Variants in SNTG2 observed in about 807,000 individuals in gnomAD.
The protein encoded by SNTG2 is gamma-2-syntrophin.
SNTG2 carries 74 observed loss-of-function variants against 70.9 expected under a neutral mutation model. That is an observed-to-expected ratio of 1.04 (90% CI 0.86 to 1.27). The LOEUF (loss-of-function observed/expected upper bound fraction) is 1.27, where lower values mean the gene tolerates loss of function less well. Ranked by LOEUF, SNTG2 falls within the 50% of genes most tolerant of loss-of-function variation. The probability of loss-of-function intolerance (pLI) is 0.00; values close to 1 mark genes in which losing one functional copy is unlikely to be tolerated. For synonymous variants in SNTG2, 278 were observed against 273.8 expected, an observed-to-expected ratio of 1.02 and a Z score of -0.15; for missense variants, 717 against 690.7, an observed-to-expected ratio of 1.04 and a Z score of -0.43.
chr2:1,112,024 G>T (rs112703401), intron 4 of SNTG2, among the ~76,000 whole-genome samples: 2 of 141,230 alleles, frequency 1.4e-5, no homozygotes, highest in Non-Finnish European at 3.1e-5. Context: ...CTTTGAGAAG[G>T]ATCGTGTGTA....
At chr2:1,245,768 A>G (rs1444393137) in intron 11 of SNTG2, among the ~76,000 whole-genome samples, 2 of 152,378 alleles carry the variant, frequency 1.3e-5, no homozygotes, top group East Asian at 3.9e-4. Flanking sequence ...AAATTCAGAC[A>G]CTGGAGGAGT....
intron 14 of SNTG2, among the ~76,000 whole-genome samples, chr2:1,301,276 T>C (rs919799422): frequency 6.6e-6 from 1 of 152,146 alleles, no homozygotes; most frequent in Non-Finnish European, 1.5e-5. Flanking sequence ...ACTGTGGTTG[T>C]CACTGCTTAC....
At position 1,353,301 on chromosome 2, in the gene SNTG2, G is replaced by A. The variant is rs190000875; in HGVS notation, c.1489-14042G>A. 1.2e-3 allele frequency among the ~76,000 whole-genome samples: 182 copies of A among 152,238 alleles called. No homozygotes were observed. The highest frequency in any genetic ancestry group is 3.4e-3 in the Middle Eastern group (1 of 294). The stretch of plus-strand genomic sequence containing the variant: ...CTCCAGGGTGTGTTCATATGTGAGG[G>A]CTACAGCCTCATCGTATAAACATAA... On this transcript the variant is annotated intron_variant, in intron 16 of 16. Coordinates refer to ENST00000308624, the MANE Select transcript of SNTG2 (RefSeq NM_018968.4). The surrounding 1 kb of genome is among the most constrained non-coding windows in gnomAD (Gnocchi z 4.2).
rs28438944 is a variant in SNTG2 at position 1,232,088 on chromosome 2, G to C, written c.720-5800G>C. Among the ~76,000 whole-genome samples the C allele has an allele frequency of 9.3e-3, 1,419 of 152,190 alleles. 18 individuals carry two copies. The highest frequency in any genetic ancestry group is 0.032 in the African/African-American group (1,311 of 41,532). On this transcript the variant is annotated intron_variant, in intron 9 of 16. Transcript: ENST00000308624. The stretch of plus-strand genomic sequence containing the variant: ...CCTCAGCATGGCCTGCACGGATGGG[G>C]CCTCCTGCCTCTCCTGCTTCTGCAG...
At chr2:1,230,243 G>C (rs951713211) in intron 9 of SNTG2, among the ~76,000 whole-genome samples, 1 of 152,216 alleles carries the variant, frequency 6.6e-6, no homozygotes, top group African/African-American at 2.4e-5. Context: ...AGCAAACTTA[G>C]GCATGCTGTT....
chr2:955,228 G>A (rs1030205439), intron 1 of SNTG2, among the ~76,000 whole-genome samples: 20 of 152,146 alleles, frequency 1.3e-4, no homozygotes, highest in Non-Finnish European at 2.5e-4. Flanking sequence ...GCAATAATCC[G>A]CATTAGTGTT....
At chr2:1,213,024 C>T (rs962791828) in intron 9 of SNTG2, among the ~76,000 whole-genome samples, 1 of 152,148 alleles carries the variant, frequency 6.6e-6, no homozygotes, top group Non-Finnish European at 1.5e-5. Context: ...TGTGGGTGTC[C>T]CCTCTGACTC....
chr2:1,316,115 G>C (rs2148263285), intron 15 of SNTG2, 150 bp from the exon 16 acceptor site: 2 of 575,386 alleles, frequency 3.5e-6, no homozygotes, highest in East Asian at 5.9e-5. Context: ...TGAGAAAGTA[G>C]AGACAGACAA....
intron 1 of SNTG2, among the ~76,000 whole-genome samples, chr2:1,022,354 C>T (rs1346533478): frequency 6.6e-6 from 1 of 151,744 alleles, no homozygotes; most frequent in Non-Finnish European, 1.5e-5. Flanking sequence ...TGAGCCTGTG[C>T]GTTCCCGTGA....
rs144935725 is a variant in SNTG2, at chr2:1,221,229, T to G, written c.719+11999T>G. 5.6e-4 allele frequency among the ~76,000 whole-genome samples: 73 copies of G among 131,110 alleles called. 2 individuals are homozygous for G. The East Asian group carries it at 0.013, about 24-fold the overall frequency. The allele number at this position is 131,110 out of a possible 152,430, so 86.0% of individuals were successfully genotyped here. On this transcript the variant is annotated intron_variant, in intron 9 of 16. Transcript: ENST00000308624. ...CCGGGTGCTCCTCTGTCTCTGAGTC[T>G]GTCTCTGCCTCTGCCTCTCTCTGTC...
chr2:950,950 G>T lies in SNTG2; in HGVS notation c.-47G>T. On this transcript the variant is annotated 5_prime_UTR_variant, in exon 1 of 17. Transcript: ENST00000308624. ...TGGGAGGCTCGGACGGGGTCCTGGC[G>T]TTGAGCTCGGCCGGCCCGGAGCGCG... 1 of 1,065,858 alleles carries T rather than the reference G, an allele frequency of 9.4e-7. No homozygotes were observed. The highest frequency in any genetic ancestry group is 1.2e-6 in the Non-Finnish European group (1 of 843,228). The allele number at this position is 1,065,858 out of a possible 1,614,324, so 66.0% of individuals were successfully genotyped here.
rs550673605 is a variant in SNTG2 at position 1,315,981 on chromosome 2, C to T, written c.1378-284C>T. 1.6e-4 allele frequency among the ~76,000 whole-genome samples: 24 copies of T among 152,188 alleles called. No individual in the cohort carries two copies. In the East Asian group the frequency reaches 3.3e-3, roughly 21 times the overall value. ...GACCAGAGGGGTCGACTGCAGGTGA[C>T]GTGGGACTGAGGACCGTGGATGCTG... On this transcript the variant is annotated intron_variant, in intron 15 of 16. Transcript: ENST00000308624.
intron 1 of SNTG2, among the ~76,000 whole-genome samples, chr2:990,994 C>T (rs1207683632): frequency 6.6e-6 from 1 of 152,020 alleles, no homozygotes; most frequent in Non-Finnish European, 1.5e-5. Flanking sequence ...TCATAATTTA[C>T]TGACCTTTCT....
At chr2:1,208,812 C>G (rs1274666665) in intron 8 of SNTG2, among the ~76,000 whole-genome samples, 1 of 152,182 alleles carries the variant, frequency 6.6e-6, no homozygotes, top group South Asian at 2.1e-4. Context: ...GAGCCCAGTG[C>G]TGTGTCTACA....
intron 16 of SNTG2, among the ~76,000 whole-genome samples, chr2:1,327,495 A>G (rs1681810035): frequency 6.6e-6 from 1 of 152,202 alleles, no homozygotes; most frequent in Non-Finnish European, 1.5e-5. Context: ...ATATTATAAA[A>G]CAATTATTAC....
At chr2:996,673 G>GTTTTTTTTGTTTTTTTTTTTTTT (rs1661691027) in intron 1 of SNTG2, among the ~76,000 whole-genome samples, 1 of 35,114 alleles carries the variant, frequency 2.8e-5, no homozygotes, top group Non-Finnish European at 4.9e-5. Flanking sequence ...GAGTTACCCA[G>GTTTTTTTTGTTTTTTTTTTTTTT]TTTTTTTTTT....
intron 12 of SNTG2, among the ~76,000 whole-genome samples, chr2:1,255,919 A>AATATATATATAAATATATATATAAATAT (rs1334434554): frequency 1.1e-5 from 1 of 90,250 alleles, no homozygotes; most frequent in Non-Finnish European, 2.5e-5. Flanking sequence ...TATATATATA[A>AATATATATATAAATATATATATAAATAT]ATATATAAAT....
At chr2:1,194,466 T>A (rs1672784856) in intron 8 of SNTG2, among the ~76,000 whole-genome samples, 1 of 152,144 alleles carries the variant, frequency 6.6e-6, no homozygotes, top group African/African-American at 2.4e-5. Context: ...CCTAAAGATT[T>A]CAGATTTCCT....
chr2:1,322,571 C>G (rs924204643), intron 16 of SNTG2, among the ~76,000 whole-genome samples: 4 of 152,054 alleles, frequency 2.6e-5, no homozygotes, highest in African/African-American at 9.7e-5. Flanking sequence ...ACATCTGGTA[C>G]CAGATTCAAC....
Sources: gnomAD v4.1 joint callset for allele counts (sites outside exome capture counted in the v4.1 genomes callset) on GRCh38, gnomAD v4.1.1 for gene constraint, Gnocchi (gnomAD v3.1) non-coding constraint, MANE v1.5 for transcripts, NCBI Gene and HGNC (gene_info 2026-07-23, HGNC 2026-07-21) for gene names.